Variants in SNTG2 observed in about 807,000 individuals in gnomAD.
SNTG2 encodes the protein gamma-2-syntrophin.
A neutral mutation model predicts 70.9 loss-of-function variants in SNTG2; 74 were observed. That is an observed-to-expected ratio of 1.04 (90% CI 0.86 to 1.27). The LOEUF is 1.27. Among genes scored for constraint, SNTG2 ranks in the 50% most tolerant of loss-of-function variants. SNTG2 has a pLI of 0.00. For synonymous variants in SNTG2, 278 were observed against 273.8 expected (o/e 1.02, Z -0.15); for missense variants, 717 against 690.7 (o/e 1.04, Z -0.43).
chr2:1,112,216 G>C (rs539416491), intron 4 of SNTG2, among the ~76,000 whole-genome samples: 10 of 151,212 alleles, frequency 6.6e-5, no homozygotes, highest in African/African-American at 2.0e-4. Flanking sequence ...GAGGAGGATC[G>C]TGTGTACTAA....
At position 1,165,551 on chromosome 2, in the gene SNTG2, C is replaced by T. The variant is rs770024345; in HGVS notation, c.415C>T (p.His139Tyr). ...VENATHEEVVHLLRNAGDEVT... is the reference protein window; with the variant it reads ...VENATHEEVVYLLRNAGDEVT... ...GCTATTTTTGTCATATTGACAGGTG[C>T]ATCTGCTGAGAAATGCTGGCGATGA... The change falls in exon 7 of 17, where the codon CAT becomes TAT. Residue 139 changes from histidine (H) to tyrosine (Y), a missense_variant. By Grantham distance (83) the His-to-Tyr change is moderately conservative. Coordinates refer to ENST00000308624, the MANE Select transcript of SNTG2 (RefSeq NM_018968.4). The T allele has an allele frequency of 6.2e-6, 10 of 1,611,142 alleles. No individual in the cohort carries two copies. The highest frequency in any genetic ancestry group is 2.5e-6 in the Non-Finnish European group (3 of 1,178,970).
At chr2:1,276,470 T>C (rs931215363) in intron 14 of SNTG2, among the ~76,000 whole-genome samples, 7 of 152,232 alleles carry the variant, frequency 4.6e-5, no homozygotes, top group African/African-American at 1.7e-4. Flanking sequence ...CCACAAAGCC[T>C]GGATGACAGC....
chr2:1,282,750 GC>G (rs1387391481), intron 14 of SNTG2, among the ~76,000 whole-genome samples: 1 of 15,142 alleles, frequency 6.6e-5, no homozygotes, highest in Non-Finnish European at 1.4e-4. Context: ...GCCCACCCCC[GC>G]CCCCACGTCA....
intron 14 of SNTG2, among the ~76,000 whole-genome samples, chr2:1,306,412 A>G (rs145303202): frequency 6.6e-6 from 1 of 152,312 alleles, no homozygotes; most frequent in Non-Finnish European, 1.5e-5. Context: ...ACAATCTCTA[A>G]GGAAAGGTTG....
intron 16 of SNTG2, among the ~76,000 whole-genome samples, chr2:1,364,046 C>G (rs976021054): frequency 6.6e-6 from 1 of 152,202 alleles, no homozygotes; most frequent in African/African-American, 2.4e-5. Flanking sequence ...TCTCGGCTCA[C>G]TGCAACTTCC....
chr2:1,160,925 C>A (rs1026655488), intron 6 of SNTG2: 1 of 152,194 alleles, frequency 6.6e-6, no homozygotes, highest in African/African-American at 2.4e-5. Flanking sequence ...ACTCAAACAC[C>A]GCAGTGAATC....
chr2:1,317,612 G>C (rs1484197958), intron 16 of SNTG2, among the ~76,000 whole-genome samples: 1 of 87,616 alleles, frequency 1.1e-5, no homozygotes, highest in African/African-American at 4.5e-5. Context: ...GGATTCTGGA[G>C]CATTTAGCAT....
chr2:1,246,734 T>TA (rs1677453424), intron 11 of SNTG2, among the ~76,000 whole-genome samples: 1 of 180 alleles, frequency 5.6e-3, no homozygotes, highest in Non-Finnish European at 0.01. Flanking sequence ...AATATTAGAT[T>TA]GAATTCACTG....
intron 8 of SNTG2, among the ~76,000 whole-genome samples, chr2:1,183,395 A>G (rs778155657): frequency 5.9e-5 from 9 of 152,126 alleles, no homozygotes; most frequent in South Asian, 4.1e-4. Flanking sequence ...GTGATATGAT[A>G]CGTGTATGTC....
At chr2:1,312,916 C>G (rs1331121996) in intron 15 of SNTG2, among the ~76,000 whole-genome samples, 1 of 152,074 alleles carries the variant, frequency 6.6e-6, no homozygotes, top group African/African-American at 2.4e-5. Flanking sequence ...TGCCTTTGGC[C>G]TGATGAGGAA....
At chr2:1,305,684 C>T (rs1680639795) in intron 14 of SNTG2, among the ~76,000 whole-genome samples, 1 of 152,212 alleles carries the variant, frequency 6.6e-6, no homozygotes, top group Non-Finnish European at 1.5e-5. Flanking sequence ...AATGATGAGA[C>T]ACTCTATGTG....
intron 9 of SNTG2, among the ~76,000 whole-genome samples, chr2:1,225,120 G>A (rs979575502): frequency 3.3e-5 from 5 of 152,090 alleles, no homozygotes; most frequent in Non-Finnish European, 2.9e-5. Flanking sequence ...ACCACTTCTG[G>A]CCTTATGAGT....
chr2:1,258,787 T>C (rs900706974), intron 12 of SNTG2, among the ~76,000 whole-genome samples: 3 of 152,214 alleles, frequency 2.0e-5, no homozygotes, highest in Non-Finnish European at 2.9e-5. Context: ...GAGATTAGTT[T>C]GGCCATTATT....
chr2:1,143,894 C>A (rs181672896), intron 6 of SNTG2, among the ~76,000 whole-genome samples: 2,399 of 144,174 alleles, frequency 0.017, 83 homozygotes, highest in African/African-American at 0.061. Flanking sequence ...AACCCCCCCC[C>A]AGAAAAAGAA....
chr2:1,137,560 T>C, intron 4 of SNTG2, 62 bp from the exon 5 acceptor site: 1 of 1,573,564 alleles, frequency 6.4e-7, no homozygotes, highest in Non-Finnish European at 8.7e-7. Context: ...TAAATGACTG[T>C]CATAACAAAG....
At chr2:1,073,996 T>A (rs1329329658) in intron 1 of SNTG2, among the ~76,000 whole-genome samples, 1 of 152,198 alleles carries the variant, frequency 6.6e-6, no homozygotes, top group African/African-American at 2.4e-5. Flanking sequence ...TGAACCTTAA[T>A]TTTGACAAGA....
At chr2:1,214,697 A>G (rs1413744438) in intron 9 of SNTG2, among the ~76,000 whole-genome samples, 1 of 152,080 alleles carries the variant, frequency 6.6e-6, no homozygotes, top group Non-Finnish European at 1.5e-5. Context: ...AGACAATTTC[A>G]CTTCTTCCTT....
intron 1 of SNTG2, among the ~76,000 whole-genome samples, chr2:971,890 A>G (rs956633304): frequency 2.0e-5 from 3 of 151,862 alleles, no homozygotes; most frequent in South Asian, 2.1e-4. Context: ...ATAATTTTTT[A>G]TTTCTGCCTT....
chr2:1,134,523 G>A (rs1017207132), intron 4 of SNTG2, among the ~76,000 whole-genome samples: 1 of 151,800 alleles, frequency 6.6e-6, no homozygotes, highest in African/African-American at 2.4e-5. Context: ...CACAAACCCT[G>A]AGCTAGACAC....
Sources: gnomAD v4.1 joint callset for allele counts (sites outside exome capture counted in the v4.1 genomes callset) on GRCh38, gnomAD v4.1.1 for gene constraint, MANE v1.5 for transcripts, NCBI Gene and HGNC (gene_info 2026-07-23, HGNC 2026-07-21) for gene names.